Variants in CCDC171 observed in about 807,000 individuals in gnomAD.
The protein encoded by CCDC171 is coiled-coil domain-containing protein 171.
Under a neutral mutation model 168.2 loss-of-function variants are expected in CCDC171, and 177 were observed. The ratio of observed to expected loss-of-function variants is 1.05; its 90% CI spans 0.93 to 1.19. The LOEUF (loss-of-function observed/expected upper bound fraction) is 1.19, where lower values mean the gene tolerates loss of function less well. Among genes scored for constraint, CCDC171 ranks in the 50% most tolerant of loss-of-function variants. CCDC171 has a pLI of 0.00. For synonymous variants in CCDC171, 687 were observed against 540.8 expected, an observed-to-expected ratio of 1.27 and a Z score of -3.75; for missense variants, 1,991 against 1,539.0, an observed-to-expected ratio of 1.29 and a Z score of -4.91.
At chr9:15,774,071 C>A (rs1261651315) in intron 18 of CCDC171, among the ~76,000 whole-genome samples, 1 of 151,604 alleles carries the variant, frequency 6.6e-6, no homozygotes, top group Non-Finnish European at 1.5e-5. Flanking sequence ...CGTGGTGAAA[C>A]CCTGTCTCTA....
At chr9:15,988,393 C>G (rs947964944) in intron 3 of CCDC171, among the ~76,000 whole-genome samples, 2 of 152,156 alleles carry the variant, frequency 1.3e-5, no homozygotes, top group African/African-American at 4.8e-5. Flanking sequence ...AATCATTTGT[C>G]TCATTATTAA....
chr9:15,865,972 G>C (rs948757859), intron 23 of CCDC171, among the ~76,000 whole-genome samples: 3 of 151,930 alleles, frequency 2.0e-5, no homozygotes, highest in African/African-American at 7.2e-5. Context: ...TAATGCCTGG[G>C]TGGGGCCTCA....
At chr9:16,101,068 A>G in the CCDC171 span, among the ~76,000 whole-genome samples, 1 of 152,190 alleles carries the variant, frequency 6.6e-6, no homozygotes, top group Non-Finnish European at 1.5e-5. Flanking sequence ...AAGCAGAGAA[A>G]GCCGGGCTGC....
the CCDC171 span, among the ~76,000 whole-genome samples, chr9:16,094,920 C>G: frequency 1.3e-5 from 2 of 152,082 alleles, no homozygotes; most frequent in African/African-American, 4.8e-5. Context: ...CAGATTTCCC[C>G]GTTGCTGTCT....
intron 11 of CCDC171, among the ~76,000 whole-genome samples, chr9:15,716,816 C>T (rs1209654759): frequency 1.3e-5 from 2 of 152,140 alleles, no homozygotes; most frequent in Non-Finnish European, 2.9e-5. Flanking sequence ...GTAAAGCCCT[C>T]ATAACCCAGT....
intron 24 of CCDC171, among the ~76,000 whole-genome samples, chr9:15,912,921 G>C (rs1323502753): frequency 6.6e-6 from 1 of 152,180 alleles, no homozygotes; most frequent in African/African-American, 2.4e-5. Context: ...TTTTTGATGT[G>C]CTGCTGGATT....
intron 21 of CCDC171, among the ~76,000 whole-genome samples, chr9:15,794,979 G>C (rs1298868158): frequency 6.6e-6 from 1 of 152,212 alleles, no homozygotes; most frequent in Non-Finnish European, 1.5e-5. Context: ...AACATGAAAG[G>C]ACTTCTCTTC....
At chr9:15,623,709 A>G (rs1354897998) in intron 7 of CCDC171, among the ~76,000 whole-genome samples, 1 of 152,158 alleles carries the variant, frequency 6.6e-6, no homozygotes, top group Non-Finnish European at 1.5e-5. Context: ...GAAGTTTGAG[A>G]GTAATTGTTT....
At chr9:15,664,098 G>T (rs954763864) in intron 8 of CCDC171, among the ~76,000 whole-genome samples, 2 of 151,686 alleles carry the variant, frequency 1.3e-5, no homozygotes, top group Non-Finnish European at 2.9e-5. Flanking sequence ...ATAGTCACTG[G>T]AGACTCAAAA....
downstream of CCDC171, among the ~76,000 whole-genome samples, chr9:15,975,965 G>A (rs950054451): frequency 6.6e-6 from 1 of 152,098 alleles, no homozygotes; most frequent in African/African-American, 2.4e-5. Context: ...GAGGTGCAGG[G>A]GTTAGTTTGA....
intron 6 of CCDC171, among the ~76,000 whole-genome samples, chr9:16,031,357 C>T (rs144018278): frequency 2.4e-4 from 36 of 152,268 alleles, no homozygotes; most frequent in African/African-American, 7.9e-4. Context: ...TCCAATATTT[C>T]ACACCTGAAA....
At chr9:15,558,330 AC>A in intron 1 of CCDC171, among the ~76,000 whole-genome samples, 1 of 152,140 alleles carries the variant, frequency 6.6e-6, no homozygotes, top group South Asian at 2.1e-4. Flanking sequence ...TCCTCTTTGT[AC>A]CTCTGGTAGA....
At chr9:15,900,876 T>A (rs1297931492) in intron 24 of CCDC171, among the ~76,000 whole-genome samples, 1 of 152,176 alleles carries the variant, frequency 6.6e-6, no homozygotes, top group Non-Finnish European at 1.5e-5. Flanking sequence ...GCTGCCACCC[T>A]GCACAGCCCT....
chr9:15,662,969 A>G (rs1587817313), intron 8 of CCDC171, among the ~76,000 whole-genome samples: 1 of 144,428 alleles, frequency 6.9e-6, no homozygotes, highest in African/African-American at 2.7e-5. Context: ...GGACAACGCG[A>G]GACTTCGTCT....
At chr9:15,965,123 A>G (rs1406702338) in intron 25 of CCDC171, among the ~76,000 whole-genome samples, 1 of 152,184 alleles carries the variant, frequency 6.6e-6, no homozygotes, top group Admixed American at 6.5e-5. Flanking sequence ...ATATAACAAC[A>G]TATAAGCTCC....
chr9:15,950,823 A>G (rs1564056138), intron 25 of CCDC171, among the ~76,000 whole-genome samples: 2 of 151,722 alleles, frequency 1.3e-5, no homozygotes. Context: ...AAAGACACAG[A>G]CTGGTAAATT....
chr9:15,860,956 G>GTGTT (rs2130970918), intron 23 of CCDC171, among the ~76,000 whole-genome samples: 1 of 151,716 alleles, frequency 6.6e-6, no homozygotes, highest in East Asian at 1.9e-4. Flanking sequence ...GTGTGTGTGT[G>GTGTT]TGTGTGATAA....
At chr9:15,600,139 C>G (rs750776836) in intron 6 of CCDC171, among the ~76,000 whole-genome samples, 3 of 152,218 alleles carry the variant, frequency 2.0e-5, no homozygotes, top group Admixed American at 1.3e-4. Flanking sequence ...TCTCTCAACT[C>G]GTCAGTCATT....
rs2061506130 is a variant in CCDC171 at position 15,860,294 on chromosome 9, C to T, written c.3468+11347C>T. Among the ~76,000 whole-genome samples the T allele has an allele frequency of 5.3e-5, 8 of 151,514 alleles. No homozygotes were observed. In the South Asian group the frequency reaches 1.7e-3, roughly 31 times the overall value. ...CTGTTCTAATCTTTATTATTTCCTT[C>T]CTTCTGCTAATTTTGGGTTTAGTTT... On this transcript the variant is annotated intron_variant, in intron 23 of 25. Transcript: ENST00000380701.
Sources: allele counts gnomAD v4.1 joint callset (sites outside exome capture counted in the v4.1 genomes callset), GRCh38; gene constraint gnomAD v4.1.1; transcripts MANE v1.5; gene names NCBI Gene and HGNC (gene_info 2026-07-23, HGNC 2026-07-21).